Variants in CFAP300 observed in about 807,000 individuals in gnomAD.
CFAP300 encodes the protein cilia and flagella associated protein 300, also known as cilia- and flagella-associated protein 300.
A neutral mutation model predicts 33.0 loss-of-function variants in CFAP300; 32 were observed. That is an observed-to-expected ratio of 0.97 (90% CI 0.73 to 1.30). The LOEUF (loss-of-function observed/expected upper bound fraction) is 1.30. Among genes scored for constraint, CFAP300 ranks in the 50% most tolerant of loss-of-function variants. The pLI, the probability that CFAP300 is intolerant of heterozygous loss-of-function variation, is 0.00. For missense variants in CFAP300, 356 were observed against 318.1 expected (o/e 1.12, Z -0.90); for synonymous variants, 102 against 106.8 (o/e 0.95, Z 0.28).
chr11:102,078,027 A>T (rs1942422438), intron 5 of CFAP300, among the ~76,000 whole-genome samples: 2 of 152,002 alleles, frequency 1.3e-5, no homozygotes, highest in Admixed American at 1.3e-4. Flanking sequence ...AATAGCTGGG[A>T]TCACAAGCAC....
chr11:102,058,988 T>C, intron 3 of CFAP300, 33 bp downstream of exon 3: 1 of 1,309,730 alleles, frequency 7.6e-7, no homozygotes, highest in Non-Finnish European at 1.1e-6. Context: ...CAGATACTAT[T>C]TTACTATTAT....
At position 102,056,615 on chromosome 11, in the gene CFAP300, T is replaced by G. The variant is rs567394080; in HGVS notation, c.193-2265T>G. On this transcript the variant is annotated intron_variant, in intron 2 of 6. Coordinates refer to ENST00000434758, the MANE Select transcript of CFAP300 (RefSeq NM_032930.3). ...GGGTTTTTTGTTTGTTTGTTTGTTT[T>G]TTGGGTTTTTTGTTTGTTTGTTTGT... Among the ~76,000 whole-genome samples the G allele has an allele frequency of 3.9e-5, 6 of 151,988 alleles. No homozygotes were observed. The East Asian group carries it at 1.2e-3, about 30-fold the overall frequency.
At chr11:102,052,264 T>C (rs957274746) in intron 2 of CFAP300, among the ~76,000 whole-genome samples, 6 of 152,202 alleles carry the variant, frequency 3.9e-5, no homozygotes, top group African/African-American at 1.4e-4. Context: ...AATTACTAAA[T>C]CTGAATTAAA....
intron 3 of CFAP300, among the ~76,000 whole-genome samples, chr11:102,065,562 T>G (rs1214121286): frequency 2.0e-5 from 3 of 150,142 alleles, no homozygotes; most frequent in Non-Finnish European, 4.4e-5. Context: ...AGGTCGAGAG[T>G]TCAAGACCAG....
In CFAP300 at chr11:102,084,466, A is replaced by G. The variant is rs549744768; in HGVS notation, c.*1267A>G. On this transcript the variant is annotated 3_prime_UTR_variant, in exon 7 of 7. Coordinates refer to ENST00000434758, the MANE Select transcript of CFAP300 (RefSeq NM_032930.3). ...AATACCTAACACAATGACTTGGCAT[A>G]TTAAATGTTTATTGAATGAATAACT... 9 of 152,362 alleles carry G rather than the reference A, an allele frequency of 5.9e-5. No individual in the cohort carries two copies. Among genetic ancestry groups the G allele is most frequent in the Admixed American group, 2.6e-4 (4 of 15,296 alleles). 9.4% of individuals were successfully genotyped at this position (152,362 alleles called of 1,614,324 possible). A position where few individuals can be genotyped will look rare whatever the true frequency, so the allele number is the denominator to read the frequency against.
At chr11:102,051,440 A>C (rs537716344) in intron 2 of CFAP300, among the ~76,000 whole-genome samples, 2 of 152,188 alleles carry the variant, frequency 1.3e-5, no homozygotes, top group Admixed American at 1.3e-4. Flanking sequence ...ATGTGACCAG[A>C]ATTTAGGCCT....
Position 102,047,865 on chromosome 11 carries a change from T to C in CFAP300, c.161T>C (p.Phe54Ser), listed in dbSNP as rs752834262. The C allele has an allele frequency of 5.6e-6, 9 of 1,614,062 alleles. No individual in the cohort carries two copies. The highest frequency in any genetic ancestry group is 7.6e-6 in the Non-Finnish European group (9 of 1,180,026). The change falls in exon 2 of 7, where the codon TTT becomes TCT. Residue 54 changes from phenylalanine to serine, a missense_variant. Physicochemically the swap from Phe to Ser is radical, Grantham distance 155 (BLOSUM62 -2). Transcript: ENST00000434758. ...KAQAFGFDQT[F>S]QSYRKDDFVM... ...CAGGCGTTCGGCTTTGACCAGACCTTTCAGTCCTATCGGAAGGATGATTTC... is the reference window on the plus strand; with the variant it reads ...CAGGCGTTCGGCTTTGACCAGACCTCTCAGTCCTATCGGAAGGATGATTTC...
Position 102,063,573 on chromosome 11 carries a change from A to T in CFAP300, c.269-2912A>T, listed in dbSNP as rs148468753. Among the ~76,000 whole-genome samples, 352 of 152,296 alleles carry T rather than the reference A, an allele frequency of 2.3e-3. 1 individual carries two copies. Among genetic ancestry groups the T allele is most frequent in the African/African-American group, 7.7e-3 (320 of 41,562 alleles). On this transcript the variant is annotated intron_variant, in intron 3 of 6. Coordinates refer to ENST00000434758, the MANE Select transcript of CFAP300 (RefSeq NM_032930.3). ...CAGGACAAGGTGGCTCACCCCTGTA[A>T]TCCCAACACTTCAAGAGGCCAAGGT...
intron 5 of CFAP300, among the ~76,000 whole-genome samples, chr11:102,080,717 T>C (rs981003966): frequency 1.3e-5 from 2 of 152,152 alleles, no homozygotes; most frequent in African/African-American, 4.8e-5. Flanking sequence ...AGTTTTTATA[T>C]ACATTATCTC....
intron 4 of CFAP300, among the ~76,000 whole-genome samples, chr11:102,075,198 A>G (rs763426098): frequency 2.0e-5 from 3 of 152,238 alleles, no homozygotes; most frequent in African/African-American, 4.8e-5. Context: ...TATACCCACT[A>G]CAATCGATAA....
chr11:102,055,359 C>CCCTTTTTTTTT (rs1942036013), intron 2 of CFAP300, among the ~76,000 whole-genome samples: 1 of 74,428 alleles, frequency 1.3e-5, no homozygotes, highest in Non-Finnish European at 2.5e-5. Flanking sequence ...ACATGCGTTA[C>CCCTTTTTTTTT]TCTTTTTTTT....
At chr11:102,073,495 G>A (rs1302891096) in intron 4 of CFAP300, among the ~76,000 whole-genome samples, 1 of 152,208 alleles carries the variant, frequency 6.6e-6, no homozygotes, top group Admixed American at 6.5e-5. Context: ...AGGTCCTCCA[G>A]TGGTACATTC....
chr11:102,053,492 G>A lies in CFAP300; in HGVS notation c.193-5388G>A, dbSNP rs369146318. Among the ~76,000 whole-genome samples the A allele has an allele frequency of 4.0e-5, 6 of 150,962 alleles. No homozygotes were observed. In the South Asian group the frequency reaches 8.4e-4, roughly 21 times the overall value. On this transcript the variant is annotated intron_variant, in intron 2 of 6. Coordinates refer to ENST00000434758, the MANE Select transcript of CFAP300 (RefSeq NM_032930.3). ...CTTGAACCCAGGAGGCGGAGGCTGC[G>A]GTGAGGCAAGATCATACCATTGCAC...
At chr11:102,061,765 G>A (rs1422926654) in intron 3 of CFAP300, among the ~76,000 whole-genome samples, 1 of 152,196 alleles carries the variant, frequency 6.6e-6, no homozygotes, top group African/African-American at 2.4e-5. Context: ...TCACTTCCAC[G>A]TTGATGGGGT....
Position 102,069,763 on chromosome 11 carries a change from A to G in CFAP300, c.435+3112A>G, listed in dbSNP as rs1942282838. ...GGTTGCAATAAGCTGAGATTGCGCC[A>G]CTGCACTCCAGCCTGGGTGACAGAA... On this transcript the variant is annotated intron_variant, in intron 4 of 6. Coordinates refer to ENST00000434758, the MANE Select transcript of CFAP300 (RefSeq NM_032930.3). Among the ~76,000 whole-genome samples, 3 of 152,178 alleles carry G rather than the reference A, an allele frequency of 2.0e-5. No individual in the cohort carries two copies. In the South Asian group the frequency reaches 6.2e-4, roughly 32 times the overall value.
chr11:102,054,934 C>T (rs1942027141), intron 2 of CFAP300, among the ~76,000 whole-genome samples: 1 of 151,938 alleles, frequency 6.6e-6, no homozygotes. Context: ...CCTCTCAACC[C>T]TCCTCACGAG....
At chr11:102,062,444 C>T (rs891131460) in intron 3 of CFAP300, among the ~76,000 whole-genome samples, 7 of 152,020 alleles carry the variant, frequency 4.6e-5, no homozygotes, top group South Asian at 2.1e-4. Flanking sequence ...CTGGTGATAG[C>T]GCCCAAGGAA....
chr11:102,051,684 C>CT, intron 2 of CFAP300, among the ~76,000 whole-genome samples: 1 of 151,936 alleles, frequency 6.6e-6, no homozygotes, highest in Non-Finnish European at 1.5e-5. Context: ...AGAAACTTAT[C>CT]TTTTTTCCCC....
At chr11:102,047,675 C>G (rs1422426972) in intron 1 of CFAP300, 95 bp downstream of exon 1, 1 of 1,460,880 alleles carries the variant, frequency 6.8e-7, no homozygotes, top group Admixed American at 2.1e-5. Flanking sequence ...GGGTCGGCGC[C>G]ATTCTGAGTG....
Sources: gnomAD v4.1 joint callset for allele counts (sites outside exome capture counted in the v4.1 genomes callset) on GRCh38, gnomAD v4.1.1 for gene constraint, MANE v1.5 for transcripts, NCBI Gene and HGNC (gene_info 2026-07-23, HGNC 2026-07-21) for gene names.